The following XPNPEP2 variants were observed in gnomAD, a reference collection of about 807,000 sequenced individuals.
The protein encoded by XPNPEP2 is X-prolyl aminopeptidase 2, also known as xaa-Pro aminopeptidase 2.
XPNPEP2 carries 64 observed loss-of-function variants against 59.8 expected under a neutral mutation model. That is an observed-to-expected ratio of 1.07 (90% CI 0.87 to 1.32). The LOEUF (loss-of-function observed/expected upper bound fraction) is 1.32. Ranked by LOEUF, XPNPEP2 falls within the 40% of genes most tolerant of loss-of-function variation. The pLI is 0.00. For missense variants in XPNPEP2, 575 were observed against 546.8 expected, an observed-to-expected ratio of 1.05 and a Z score of -0.51; for synonymous variants, 235 against 210.0, an observed-to-expected ratio of 1.12 and a Z score of -1.03.
chrX:129,762,200 C>T, intron 18 of XPNPEP2, 135 bp downstream of exon 18: 1 of 645,558 alleles, frequency 1.5e-6, no homozygotes. Context: ...CTCCCCATTC[C>T]CACCGCTACG....
At chrX:129,744,977 C>T (rs747297257) in intron 3 of XPNPEP2, among the ~76,000 whole-genome samples, 13 of 110,772 alleles carry the variant, frequency 1.2e-4, no homozygotes, top group South Asian at 7.8e-4. Flanking sequence ...AGTGTGGGGG[C>T]GGGGGAGTTG....
At chrX:129,740,894 A>G (rs1926164109) in intron 1 of XPNPEP2, among the ~76,000 whole-genome samples, 1 of 101,178 alleles carries the variant, frequency 9.9e-6, no homozygotes, top group Non-Finnish European at 2.0e-5. Context: ...GTGAGCTGAG[A>G]TCGCCCCACT....
chrX:129,754,693 C>A, intron 12 of XPNPEP2, 112 bp downstream of exon 12: 1 of 686,979 alleles, frequency 1.5e-6, no homozygotes, highest in Non-Finnish European at 2.2e-6. Context: ...TCCTCATATG[C>A]GTGCTGGGTG....
chrX:129,751,118 G>A (rs1173879250), intron 8 of XPNPEP2, among the ~76,000 whole-genome samples: 1 of 16,128 alleles, frequency 6.2e-5, no homozygotes, highest in Non-Finnish European at 1.5e-4. Context: ...CCCCCCCCCG[G>A]CAAAAAGATT....
chrX:129,742,700 G>A (rs1273934870), intron 2 of XPNPEP2, among the ~76,000 whole-genome samples: 29 of 111,382 alleles, frequency 2.6e-4, no homozygotes, highest in Admixed American at 5.7e-4. Flanking sequence ...TCAGGAGTTC[G>A]AGACCAGCCT....
chrX:129,762,192 C>T (rs1698693813), intron 18 of XPNPEP2, 127 bp downstream of exon 18: 2 of 700,864 alleles, frequency 2.9e-6, no homozygotes, highest in East Asian at 3.4e-5. Context: ...GGACTCACCT[C>T]CCCATTCCCA....
At chrX:129,766,184 A>AT (rs1466391755) in intron 19 of XPNPEP2, among the ~76,000 whole-genome samples, 1 of 111,618 alleles carries the variant, frequency 9.0e-6, no homozygotes, top group African/African-American at 3.3e-5. Context: ...CATTGTTTCC[A>AT]TTTTCTGTTT....
rs147873278 is a variant in XPNPEP2 at position 129,742,179 on chromosome X, C to G, written c.121C>G (p.Pro41Ala). The change falls in exon 2 of 21, where the codon CCT (proline) becomes GCT (alanine). Residue 41 changes from proline to alanine, a missense_variant and splice_region_variant. Coordinates refer to ENST00000371106, the MANE Select transcript of XPNPEP2 (RefSeq NM_003399.6). ...TGTGAGAAACTGTTCCACCAACCCC[C>G]CTGTGAGTGCCCCCTGCCCCCCGCG... ...QDVRNCSTNP[P>A]YLPVTVVNTT... is the part of the protein sequence containing the mutation. The G allele has an allele frequency of 5.0e-5, 59 of 1,177,862 alleles. No individual in the cohort carries two copies. The highest frequency in any genetic ancestry group is 6.2e-5 in the Non-Finnish European group (54 of 874,060).
At chrX:129,766,341 A>G (rs967488510) in intron 19 of XPNPEP2, among the ~76,000 whole-genome samples, 7 of 111,946 alleles carry the variant, frequency 6.3e-5, no homozygotes, top group Non-Finnish European at 1.3e-4. Context: ...CTGGGACTAC[A>G]GGCGCCCACC....
At chrX:129,755,420 G>A (rs1926500892) in intron 13 of XPNPEP2, 49 bp downstream of exon 13, 1 of 1,133,379 alleles carries the variant, frequency 8.8e-7, no homozygotes, top group Non-Finnish European at 1.2e-6. Context: ...GCATCCTGTT[G>A]TGTGTGTAGA....
At chrX:129,763,967 C>A (rs1207151284) in intron 19 of XPNPEP2, among the ~76,000 whole-genome samples, 12 of 109,979 alleles carry the variant, frequency 1.1e-4, no homozygotes, top group Admixed American at 1.1e-3. Context: ...CCAGATGGAC[C>A]AAAGTTTTAA....
chrX:129,743,891 G>A, intron 2 of XPNPEP2, 70 bp from the exon 3 acceptor site: 1 of 1,012,638 alleles, frequency 9.9e-7, no homozygotes, highest in Non-Finnish European at 1.4e-6. Flanking sequence ...CAGGGGCCCA[G>A]ATGTCATTTT....
In XPNPEP2 at chrX:129,745,261, C is replaced by G; in HGVS notation, c.293C>G (p.Ser98Cys). The G allele has an allele frequency of 1.7e-6, 2 of 1,211,681 alleles. No individual in the cohort carries two copies. The highest frequency in any genetic ancestry group is 2.2e-6 in the Non-Finnish European group (2 of 895,472). ...GCGTGGATTACAGGCTTTACAGGGT[C>G]TGCAGGTGACAATCATTACCCAGCC... The part of the protein sequence containing the change: ...RRAWITGFTG[S>C]AGTAVVTMKK... The change falls in exon 4 of 21, where the codon TCT (serine) becomes TGT (cysteine). Residue 98 changes from serine to cysteine, a missense_variant. Coordinates refer to ENST00000371106, the MANE Select transcript of XPNPEP2 (RefSeq NM_003399.6).
At chrX:129,753,808 G>A (rs181905349) in intron 11 of XPNPEP2, among the ~76,000 whole-genome samples, 32 of 111,082 alleles carry the variant, frequency 2.9e-4, no homozygotes, top group Admixed American at 2.6e-3. Context: ...TCCTAACTGG[G>A]TGACCTTGAC....
intron 1 of XPNPEP2, 129 bp from the exon 2 acceptor site, chrX:129,741,979 A>T (rs1926190827): frequency 1.8e-6 from 1 of 541,434 alleles, no homozygotes; most frequent in Non-Finnish European, 3.1e-6. Context: ...TTTATCCTCA[A>T]GTAGAGCTGG....
chrX:129,747,482 G>T, intron 6 of XPNPEP2, 125 bp from the exon 7 acceptor site: 1 of 988,482 alleles, frequency 1.0e-6, no homozygotes, highest in Non-Finnish European at 1.4e-6. Context: ...GGCTGCTGGG[G>T]CAGGCTCCGG....
Position 129,742,145 on chromosome X carries a change from A to AG in XPNPEP2, c.90dup (p.Gln31AlafsTer56), listed in dbSNP as rs1279389450. 4 of 1,209,680 alleles carry AG rather than the reference A, an allele frequency of 3.3e-6. No homozygotes were observed. The South Asian group carries it at 7.0e-5, about 21-fold the overall frequency. ...GCCACACAAAGCCAGTGGACCTTGG[A>AG]GGGCAGGATGTGAGAAACTGTTCCA... On this transcript the variant is annotated frameshift_variant, in exon 2 of 21. Transcript: ENST00000371106. LOFTEE classifies it high-confidence loss of function.
intron 19 of XPNPEP2, among the ~76,000 whole-genome samples, chrX:129,765,639 T>C (rs1265234245): frequency 4.3e-5 from 4 of 92,686 alleles, no homozygotes; most frequent in Admixed American, 1.1e-4. Context: ...TTCTTTCTTT[T>C]TTTTTTTTTT....
intron 15 of XPNPEP2, 152 bp downstream of exon 15, chrX:129,759,392 C>G: frequency 1.6e-6 from 1 of 637,098 alleles, no homozygotes; most frequent in Non-Finnish European, 2.4e-6. Context: ...AAACCCAGTG[C>G]TCCCTGCTGC....
Sources: allele counts gnomAD v4.1 joint callset (sites outside exome capture counted in the v4.1 genomes callset), GRCh38; gene constraint gnomAD v4.1.1; transcripts MANE v1.5; gene names NCBI Gene and HGNC (gene_info 2026-07-23, HGNC 2026-07-21).